Variants in RBMS3 observed in about 807,000 individuals in gnomAD.
RBMS3 encodes RNA-binding motif, single-stranded-interacting protein 3.
In RBMS3, 27 loss-of-function variants were observed where a neutral mutation model predicts 66.8. The observed-to-expected ratio is 0.40, with a 90% confidence interval of 0.30 to 0.56. RBMS3 has a LOEUF of 0.56. RBMS3 is among the 20% of genes least tolerant of loss of function. The pLI is 0.40. For missense variants in RBMS3, 513 were observed against 549.5 expected (o/e 0.93, Z 0.66); for synonymous variants, 188 against 183.0 (o/e 1.03, Z -0.22).
intron 2 of RBMS3, among the ~76,000 whole-genome samples, chr3:29,484,389 G>A (rs1165937328): frequency 6.6e-6 from 1 of 152,094 alleles, no homozygotes; most frequent in Non-Finnish European, 1.5e-5. Context: ...TCTTGTAAAT[G>A]GCTGCCTTCT....
At chr3:29,953,988 T>C (rs1695860518) in intron 12 of RBMS3, among the ~76,000 whole-genome samples, 1 of 151,882 alleles carries the variant, frequency 6.6e-6, no homozygotes, top group Non-Finnish European at 1.5e-5. Context: ...CCTCCTTGTA[T>C]GTTCTTGATT....
At chr3:29,283,213 A>G (rs2031969107) in intron 1 of RBMS3, among the ~76,000 whole-genome samples, 1 of 152,196 alleles carries the variant, frequency 6.6e-6, no homozygotes, top group Non-Finnish European at 1.5e-5. Flanking sequence ...TGCATGAAAA[A>G]TATCAGACAT....
intron 1 of RBMS3, among the ~76,000 whole-genome samples, chr3:29,303,081 G>T (rs766936879): frequency 1.3e-4 from 19 of 151,982 alleles, no homozygotes; most frequent in Non-Finnish European, 2.5e-4. Context: ...CAGCCAAGTG[G>T]TGGACCCCTG....
At chr3:29,488,198 GC>G (rs1036413520) in intron 2 of RBMS3, among the ~76,000 whole-genome samples, 4 of 152,158 alleles carry the variant, frequency 2.6e-5, no homozygotes. Context: ...TCTTTTGGCT[GC>G]CTGTGACAGC....
intron 1 of RBMS3, among the ~76,000 whole-genome samples, chr3:29,382,847 A>G (rs539419404): frequency 7.9e-5 from 12 of 152,150 alleles, no homozygotes; most frequent in African/African-American, 2.9e-4. Context: ...TTTTTCTCCT[A>G]TTTCTTTTTA....
chr3:29,642,878 C>A (rs2149199464), intron 4 of RBMS3: 1 of 152,212 alleles, frequency 6.6e-6, no homozygotes, highest in Non-Finnish European at 1.5e-5. Context: ...TAAAACAGAA[C>A]CACTGGCTTA....
intron 1 of RBMS3, among the ~76,000 whole-genome samples, chr3:29,430,980 CTGA>C (rs1428310455): frequency 6.6e-6 from 1 of 152,182 alleles, no homozygotes; most frequent in Non-Finnish European, 1.5e-5. Context: ...CAAGCATGTA[CTGA>C]ACACCTACTG....
intron 2 of RBMS3, among the ~76,000 whole-genome samples, chr3:29,457,870 CTA>C (rs2042247557): frequency 6.8e-6 from 1 of 146,564 alleles, no homozygotes; most frequent in South Asian, 2.2e-4. Flanking sequence ...CCTCAAATAA[CTA>C]TGATTGCCAG....
chr3:29,988,081 T>C, intron 12 of RBMS3, 62 bp from the exon 13 acceptor site: 1 of 1,335,014 alleles, frequency 7.5e-7, no homozygotes, highest in Non-Finnish European at 1.1e-6. Context: ...CTGTGGTATT[T>C]AATAATTTTC....
chr3:29,684,159 A>G (rs1411607317), intron 4 of RBMS3, among the ~76,000 whole-genome samples: 1 of 152,236 alleles, frequency 6.6e-6, no homozygotes, highest in Non-Finnish European at 1.5e-5. Context: ...TATAATTAAT[A>G]ATACCCTAAA....
rs566158404 is a variant in RBMS3 at position 29,381,217 on chromosome 3, A to G, written c.76-53526A>G. On this transcript the variant is annotated intron_variant, in intron 1 of 14. Coordinates refer to ENST00000383767, the MANE Select transcript of RBMS3 (RefSeq NM_001003793.3). Reference sequence around the variant, plus strand: ...CAAGTAGTAGATTGGGTTCCATAGTATGATAGTCACTTTCCTGCAATCATT... The same window carrying G: ...CAAGTAGTAGATTGGGTTCCATAGTGTGATAGTCACTTTCCTGCAATCATT... Among the ~76,000 whole-genome samples the G allele has an allele frequency of 9.9e-5, 15 of 152,252 alleles. No homozygotes were observed. The South Asian group carries it at 3.1e-3, about 32-fold the overall frequency.
intron 5 of RBMS3, among the ~76,000 whole-genome samples, chr3:29,760,934 A>G (rs1012564531): frequency 6.6e-6 from 1 of 151,908 alleles, no homozygotes; most frequent in African/African-American, 2.4e-5. Flanking sequence ...CATTCTGAAG[A>G]CTTTTTTTTT....
At chr3:29,884,450 C>T in intron 8 of RBMS3, among the ~76,000 whole-genome samples, 1 of 132,566 alleles carries the variant, frequency 7.5e-6, no homozygotes, top group African/African-American at 2.9e-5. Context: ...CTCTCTCTCT[C>T]TCTCTCTCTC....
intron 6 of RBMS3, among the ~76,000 whole-genome samples, chr3:29,777,079 A>C (rs1424138906): frequency 6.6e-6 from 1 of 151,846 alleles, no homozygotes; most frequent in Non-Finnish European, 1.5e-5. Flanking sequence ...ATATCATTGC[A>C]CCTCTAGTTC....
intron 1 of RBMS3, among the ~76,000 whole-genome samples, chr3:29,282,927 GT>G (rs988713332): frequency 1.3e-5 from 2 of 152,172 alleles, no homozygotes; most frequent in Admixed American, 6.5e-5. Flanking sequence ...TTATTGCTTT[GT>G]TTTTTTCTTT....
intron 6 of RBMS3, among the ~76,000 whole-genome samples, chr3:29,771,772 G>A (rs1347521116): frequency 6.6e-6 from 1 of 151,986 alleles, no homozygotes; most frequent in Non-Finnish European, 1.5e-5. Flanking sequence ...GGAATGTAAA[G>A]GGGAAGCAGG....
chr3:29,838,559 T>C lies in RBMS3; in HGVS notation c.638-30299T>C, dbSNP rs369184323. On this transcript the variant is annotated intron_variant, in intron 6 of 14. Coordinates refer to ENST00000383767, the MANE Select transcript of RBMS3 (RefSeq NM_001003793.3). The stretch of plus-strand genomic sequence containing the variant: ...GATAATAATAAGAAACATATTACCT[T>C]GTGAACGTCCCACTTTGTCACAGTG... Among the ~76,000 whole-genome samples the C allele has an allele frequency of 5.6e-4, 86 of 152,258 alleles. 4 individuals are homozygous for C. In the South Asian group the frequency reaches 0.017, roughly 29 times the overall value.
At chr3:29,782,022 CT>C (rs1223287087) in intron 6 of RBMS3, among the ~76,000 whole-genome samples, 4 of 112,176 alleles carry the variant, frequency 3.6e-5, no homozygotes, top group African/African-American at 1.2e-4. Context: ...ATGCTTATCC[CT>C]GCCCCCCACC....
intron 12 of RBMS3, among the ~76,000 whole-genome samples, chr3:29,961,985 TAATATATATAATA>T: frequency 9.1e-6 from 1 of 110,442 alleles, no homozygotes; most frequent in Non-Finnish European, 2.2e-5. Flanking sequence ...TAATATATAT[TAATATATATAATA>T]TATATATTAT....
Sources: allele counts gnomAD v4.1 joint callset (sites outside exome capture counted in the v4.1 genomes callset), GRCh38; gene constraint gnomAD v4.1.1; transcripts MANE v1.5; gene names NCBI Gene and HGNC (gene_info 2026-07-23, HGNC 2026-07-21).